Variants in MAST4 observed in about 807,000 individuals in gnomAD.
The protein encoded by MAST4 is microtubule associated serine/threonine kinase family member 4, also known as microtubule-associated serine/threonine-protein kinase 4.
MAST4 carries 89 observed loss-of-function variants against 162.7 expected under a neutral mutation model. That is an observed-to-expected ratio of 0.55 (90% CI 0.46 to 0.65). The LOEUF is 0.65. Among genes scored for constraint, MAST4 ranks in the 30% least tolerant of loss-of-function variants. The pLI, the probability that MAST4 is intolerant of heterozygous loss-of-function variation, is 0.00. For missense variants in MAST4, 3,153 were observed against 3,374.0 expected, an observed-to-expected ratio of 0.93 and a Z score of 1.62; for synonymous variants, 1,479 against 1,361.1, an observed-to-expected ratio of 1.09 and a Z score of -1.91.
In MAST4 at chr5:67,164,710, C is replaced by CA. The variant is rs1460368333; in HGVS notation, c.5531_5532insA (p.Ser1845GlnfsTer24). 1.9e-6 allele frequency: 3 copies of CA among 1,613,984 alleles called. No homozygotes were observed. The highest frequency in any genetic ancestry group is 2.5e-6 in the Non-Finnish European group (3 of 1,179,900). ...AGGGCCTCTGTGCCACCAGTTCTCC[C>CA]CAGCAGCAGTGGGAAAAAGAACGAT... On this transcript the variant is annotated frameshift_variant, in exon 29 of 29. Transcript: ENST00000403625. LOFTEE classifies it low-confidence loss of function (END_TRUNC). This position sits in a 1 kb window ranked among gnomAD's most constrained non-coding sequence, Gnocchi z 5.3.
intron 2 of MAST4, among the ~76,000 whole-genome samples, chr5:66,777,195 C>T (rs1754643936): frequency 6.6e-6 from 1 of 152,166 alleles, no homozygotes; most frequent in Non-Finnish European, 1.5e-5. Flanking sequence ...CCTGAGTCCA[C>T]CTGTTGGATG....
intron 4 of MAST4, among the ~76,000 whole-genome samples, chr5:67,013,553 C>T (rs773276665): frequency 2.6e-5 from 4 of 152,126 alleles, no homozygotes; most frequent in African/African-American, 7.2e-5. Context: ...TTATGTCTCA[C>T]GCTTTACTGG....
At chr5:66,739,822 A>G (rs1752380719) in intron 1 of MAST4, among the ~76,000 whole-genome samples, 1 of 149,588 alleles carries the variant, frequency 6.7e-6, no homozygotes, top group African/African-American at 2.5e-5. Context: ...TCTGCCAAGC[A>G]GGATGTTATT....
At chr5:66,954,363 A>G (rs1300748969) in intron 4 of MAST4, among the ~76,000 whole-genome samples, 1 of 152,140 alleles carries the variant, frequency 6.6e-6, no homozygotes, top group African/African-American at 2.4e-5. Context: ...TAGTTATGTA[A>G]CACTGTGGTG....
intron 3 of MAST4, among the ~76,000 whole-genome samples, chr5:66,848,404 T>C (rs566947536): frequency 9.2e-4 from 140 of 152,312 alleles, no homozygotes; most frequent in Non-Finnish European, 2.8e-4. Flanking sequence ...GATTAGTATA[T>C]TTGTGCTTTT....
intron 3 of MAST4, among the ~76,000 whole-genome samples, chr5:66,837,555 C>A (rs1758064483): frequency 6.6e-6 from 1 of 151,918 alleles, no homozygotes; most frequent in Admixed American, 6.6e-5. Context: ...CAAGATAAAT[C>A]AACTTTAATT....
chr5:67,037,330 C>G (rs1341245484), intron 4 of MAST4, among the ~76,000 whole-genome samples: 1 of 152,208 alleles, frequency 6.6e-6, no homozygotes, highest in Admixed American at 6.5e-5. Context: ...TGTTCTGTGT[C>G]AGGCTTAGTC....
At chr5:67,089,729 A>C (rs139743637) in intron 5 of MAST4, among the ~76,000 whole-genome samples, 1 of 152,350 alleles carries the variant, frequency 6.6e-6, no homozygotes, top group East Asian at 1.9e-4. Flanking sequence ...TACTGTAAAC[A>C]AAAAGTACTA....
intron 4 of MAST4, among the ~76,000 whole-genome samples, chr5:67,038,397 C>G (rs959252385): frequency 2.6e-5 from 4 of 152,174 alleles, no homozygotes; most frequent in African/African-American, 9.7e-5. Context: ...TTCCTGATTA[C>G]AAACTCCTTG....
intron 1 of MAST4, among the ~76,000 whole-genome samples, chr5:66,708,603 T>C (rs1190224332): frequency 6.6e-6 from 1 of 152,220 alleles, no homozygotes; most frequent in East Asian, 1.9e-4. Context: ...GTTTCTGTTT[T>C]GTCTAAACTT....
At chr5:67,102,993 G>A (rs1035349089) in intron 9 of MAST4, among the ~76,000 whole-genome samples, 1 of 152,238 alleles carries the variant, frequency 6.6e-6, no homozygotes, top group African/African-American at 2.4e-5. Flanking sequence ...TTAGAAGCCT[G>A]TAGATTGGTG....
chr5:67,026,948 T>C (rs1754722294), intron 4 of MAST4, among the ~76,000 whole-genome samples: 1 of 152,166 alleles, frequency 6.6e-6, no homozygotes, highest in African/African-American at 2.4e-5. Context: ...AATTAGCCAG[T>C]TACCTTTATT....
intron 4 of MAST4, among the ~76,000 whole-genome samples, chr5:66,938,883 T>C (rs1743046545): frequency 6.6e-6 from 1 of 152,192 alleles, no homozygotes; most frequent in Middle Eastern, 3.2e-3. Context: ...TCTATTAAAG[T>C]TCTTTATAGA....
In MAST4 at chr5:66,928,648, T is replaced by A. The variant is rs191666797; in HGVS notation, c.674+28666T>A. 3.2e-3 allele frequency among the ~76,000 whole-genome samples: 490 copies of A among 152,354 alleles called. 3 individuals carry two copies. Among genetic ancestry groups the A allele is most frequent in the South Asian group, 6.2e-3 (30 of 4,826 alleles). Reference sequence around the variant, plus strand: ...GTTTATAACATTGTTTCTCTGAGAATGTGGTCTGGTTTCTCAAACTTATAG... The same window carrying A: ...GTTTATAACATTGTTTCTCTGAGAAAGTGGTCTGGTTTCTCAAACTTATAG... On this transcript the variant is annotated intron_variant, in intron 4 of 28. Coordinates refer to ENST00000403625, the MANE Select transcript of MAST4 (RefSeq NM_001164664.2).
intron 5 of MAST4, among the ~76,000 whole-genome samples, chr5:67,078,376 C>T (rs1273271311): frequency 6.7e-6 from 1 of 148,780 alleles, no homozygotes; most frequent in East Asian, 2.0e-4. Flanking sequence ...CAGAAGAACT[C>T]AGTGGAATGA....
At chr5:66,929,719 T>C (rs1042259450) in intron 4 of MAST4, among the ~76,000 whole-genome samples, 1 of 152,174 alleles carries the variant, frequency 6.6e-6, no homozygotes, top group African/African-American at 2.4e-5. Flanking sequence ...AGACAGCTGG[T>C]TGGGCACCTT....
intron 5 of MAST4, among the ~76,000 whole-genome samples, chr5:67,057,044 G>C (rs931181167): frequency 6.6e-6 from 1 of 152,076 alleles, no homozygotes; most frequent in African/African-American, 2.4e-5. Context: ...ACATGTTGTT[G>C]TTCTCTCAGA....
At chr5:66,999,372 C>A (rs1016972201) in intron 4 of MAST4, among the ~76,000 whole-genome samples, 1 of 152,214 alleles carries the variant, frequency 6.6e-6, no homozygotes, top group Non-Finnish European at 1.5e-5. Flanking sequence ...ATGTATTCTA[C>A]TCTAATTATC....
intron 11 of MAST4, among the ~76,000 whole-genome samples, chr5:67,112,399 G>A (rs550397327): frequency 1.3e-5 from 2 of 152,200 alleles, no homozygotes; most frequent in African/African-American, 2.4e-5. Context: ...CACTGTCTAC[G>A]CAGAGATAGC....
Sources: allele counts gnomAD v4.1 joint callset (sites outside exome capture counted in the v4.1 genomes callset), GRCh38; gene constraint gnomAD v4.1.1; non-coding constraint Gnocchi (gnomAD v3.1); transcripts MANE v1.5; gene names NCBI Gene and HGNC (gene_info 2026-07-23, HGNC 2026-07-21).